The following SLC38A9 variants were observed in gnomAD, a reference collection of about 807,000 sequenced individuals.
SLC38A9 encodes the protein neutral amino acid transporter 9.
In SLC38A9, 48 loss-of-function variants were observed where a neutral mutation model predicts 62.3. The observed-to-expected ratio is 0.77, with a 90% CI of 0.61 to 0.98. The LOEUF is 0.98. Ranked by LOEUF, SLC38A9 falls within the 50% of genes least tolerant of loss-of-function variation. The pLI is 0.00. For missense variants in SLC38A9, 541 were observed against 679.8 expected (o/e 0.80, Z 2.27); for synonymous variants, 204 against 227.7 (o/e 0.90, Z 0.94).
intron 3 of SLC38A9, among the ~76,000 whole-genome samples, chr5:55,690,924 C>A (rs1008866895): frequency 1.3e-5 from 2 of 152,140 alleles, no homozygotes; most frequent in African/African-American, 4.8e-5. Flanking sequence ...TATATTTTTC[C>A]TTCTTCCTCT....
intron 3 of SLC38A9, among the ~76,000 whole-genome samples, chr5:55,677,592 C>G (rs1306380614): frequency 6.6e-6 from 1 of 151,978 alleles, no homozygotes; most frequent in Non-Finnish European, 1.5e-5. Flanking sequence ...GCTAGAGTAC[C>G]GTGGTGCGCT....
At chr5:55,686,004 ATTT>A (rs1753749141) in intron 3 of SLC38A9, among the ~76,000 whole-genome samples, 1 of 152,012 alleles carries the variant, frequency 6.6e-6, no homozygotes, top group Non-Finnish European at 1.5e-5. Context: ...TGGTGTATGC[ATTT>A]TCTTTATCCA....
chr5:55,637,838 C>T (rs35710224), intron 12 of SLC38A9, among the ~76,000 whole-genome samples: 84,132 of 152,044 alleles, frequency 0.55, 24,292 homozygotes, highest in South Asian at 0.65. Context: ...TTACAAAACT[C>T]GTTTGTGGCT....
At chr5:55,648,968 C>T (rs1746889857) in intron 11 of SLC38A9, among the ~76,000 whole-genome samples, 1 of 152,064 alleles carries the variant, frequency 6.6e-6, no homozygotes, top group South Asian at 2.1e-4. Context: ...ACAGAAAATT[C>T]AAGTATTAGT....
At chr5:55,705,110 G>C (rs1013844732) in intron 2 of SLC38A9, among the ~76,000 whole-genome samples, 1 of 152,048 alleles carries the variant, frequency 6.6e-6, no homozygotes, top group Non-Finnish European at 1.5e-5. Flanking sequence ...TTAACTTAGC[G>C]GCCTGAACAA....
intron 12 of SLC38A9, among the ~76,000 whole-genome samples, 195 bp from the exon 13 acceptor site, chr5:55,635,852 C>T (rs899858006): frequency 6.6e-6 from 1 of 152,088 alleles, no homozygotes; most frequent in East Asian, 1.9e-4. Context: ...ATTAGTCTGG[C>T]AATTTTTTTT....
intron 14 of SLC38A9, 107 bp from the exon 15 acceptor site, chr5:55,628,087 A>C: frequency 1.5e-6 from 1 of 687,700 alleles, no homozygotes. Flanking sequence ...TAAAATCAAA[A>C]TGTCTTAAGC....
At chr5:55,689,052 G>A (rs929982127) in intron 3 of SLC38A9, among the ~76,000 whole-genome samples, 1 of 152,174 alleles carries the variant, frequency 6.6e-6, no homozygotes, top group Non-Finnish European at 1.5e-5. Flanking sequence ...GTTAGAATAA[G>A]TATCAGGTCA....
chr5:55,660,534 G>A (rs1249888906), intron 8 of SLC38A9, among the ~76,000 whole-genome samples: 1 of 152,190 alleles, frequency 6.6e-6, no homozygotes, highest in African/African-American at 2.4e-5. Flanking sequence ...TCTTGAAGGA[G>A]GTGTATAGAT....
intron 4 of SLC38A9, among the ~76,000 whole-genome samples, chr5:55,671,801 T>C (rs758065096): frequency 4.7e-4 from 72 of 151,834 alleles, no homozygotes; most frequent in Non-Finnish European, 7.4e-4. Context: ...TGAGCCGAGA[T>C]TGCGCCACTG....
At chr5:55,687,461 A>G (rs1440633996) in intron 3 of SLC38A9, among the ~76,000 whole-genome samples, 1 of 144,196 alleles carries the variant, frequency 6.9e-6, no homozygotes, top group East Asian at 2.1e-4. Flanking sequence ...AGTTTTTTCT[A>G]GTTCTGTGAA....
chr5:55,674,563 G>A (rs1478609809), intron 3 of SLC38A9, among the ~76,000 whole-genome samples: 4 of 152,120 alleles, frequency 2.6e-5, no homozygotes, highest in African/African-American at 9.7e-5. Flanking sequence ...TAAGCAAGAA[G>A]TCCCTCCCTA....
chr5:55,677,281 T>C (rs1270542257), intron 3 of SLC38A9, among the ~76,000 whole-genome samples: 1 of 152,080 alleles, frequency 6.6e-6, no homozygotes, highest in Non-Finnish European at 1.5e-5. Context: ...ATATAAAACA[T>C]AAACATTAAA....
chr5:55,666,579 A>G lies in SLC38A9; in HGVS notation c.527-1716T>C, dbSNP rs983980980. 4.3e-5 allele frequency among the ~76,000 whole-genome samples: 6 copies of G among 141,166 alleles called. No individual in the cohort carries two copies. The Admixed American group carries it at 4.4e-4, about 10-fold the overall frequency. 92.6% of individuals were successfully genotyped at this position (141,166 alleles called of 152,430 possible). ...AATTCACATCTAGATAAAGAACATG[A>G]GGACAATATCACTATCAAGAATAAC... On this transcript the variant is annotated intron_variant, in intron 7 of 15. Coordinates refer to ENST00000396865, the MANE Select transcript of SLC38A9 (RefSeq NM_173514.4).
chr5:55,661,508 C>T (rs1749568202), intron 8 of SLC38A9, among the ~76,000 whole-genome samples: 1 of 147,300 alleles, frequency 6.8e-6, no homozygotes, highest in South Asian at 2.2e-4. Context: ...ATTCTCTCCA[C>T]ATCAATAAAT....
chr5:55,656,555 T>C (rs1490045393), intron 9 of SLC38A9, among the ~76,000 whole-genome samples, 160 bp downstream of exon 9: 1 of 149,082 alleles, frequency 6.7e-6, no homozygotes, highest in African/African-American at 2.5e-5. Context: ...TTGGAGGTTC[T>C]TTTTTTTTTA....
chr5:55,708,705 C>G (rs1283558614), intron 2 of SLC38A9, among the ~76,000 whole-genome samples: 1 of 152,152 alleles, frequency 6.6e-6, no homozygotes, highest in East Asian at 1.9e-4. Context: ...TACATTTATA[C>G]TCAGTGTCCT....
intron 12 of SLC38A9, among the ~76,000 whole-genome samples, chr5:55,637,931 G>A (rs13190181): frequency 0.6 from 91,481 of 151,810 alleles, 27,965 homozygotes; most frequent in South Asian, 0.7. Flanking sequence ...ACTATGATGG[G>A]GAGCTGACCA....
intron 3 of SLC38A9, among the ~76,000 whole-genome samples, 189 bp downstream of exon 3, chr5:55,697,657 A>G (rs1411110539): frequency 0.073 from 2,153 of 29,484 alleles, 22 homozygotes; most frequent in South Asian, 0.16. Context: ...GTTTAGTGAA[A>G]AAAAAAAAAA....
Sources: gnomAD v4.1 joint callset for allele counts (sites outside exome capture counted in the v4.1 genomes callset) on GRCh38, gnomAD v4.1.1 for gene constraint, MANE v1.5 for transcripts, NCBI Gene and HGNC (gene_info 2026-07-23, HGNC 2026-07-21) for gene names.